Variants in RABGEF1 observed in about 807,000 individuals in gnomAD.
RABGEF1 encodes rab5 GDP/GTP exchange factor.
RABGEF1 carries 26 observed loss-of-function variants against 57.3 expected under a neutral mutation model. The ratio of observed to expected loss-of-function variants is 0.45; its 90% CI spans 0.33 to 0.63. The LOEUF (loss-of-function observed/expected upper bound fraction) is 0.63. Among genes scored for constraint, RABGEF1 ranks in the 20% least tolerant of loss-of-function variants. The pLI is 0.02. For synonymous variants in RABGEF1, 185 were observed against 210.7 expected, an observed-to-expected ratio of 0.88 and a Z score of 1.06; for missense variants, 464 against 607.6, an observed-to-expected ratio of 0.76 and a Z score of 2.48.
intron 1 of RABGEF1, among the ~76,000 whole-genome samples, chr7:66,749,700 G>A (rs1171007625): frequency 1.3e-5 from 2 of 152,036 alleles, no homozygotes; most frequent in Admixed American, 6.6e-5. Context: ...GGCCAGGCAC[G>A]GTGGCTCACA....
rs554428268 is a variant in RABGEF1 at position 66,716,420 on chromosome 7, C to T, written c.-815+4196C>T. On this transcript the variant is annotated intron_variant and NMD_transcript_variant, in intron 2 of 9. Transcript: ENST00000607882. ...TTTGAGACCAGCCTGGGCAACGTGACGAAAACCTGTCTCTACCAAAAATGC... is the reference window on the plus strand; with the variant it reads ...TTTGAGACCAGCCTGGGCAACGTGATGAAAACCTGTCTCTACCAAAAATGC... 1.1e-4 allele frequency among the ~76,000 whole-genome samples: 16 copies of T among 152,134 alleles called. No individual in the cohort carries two copies. The South Asian group carries it at 1.7e-3, about 16-fold the overall frequency.
chr7:66,713,151 T>G (rs1196638346), intron 2 of RABGEF1, among the ~76,000 whole-genome samples: 1 of 150,698 alleles, frequency 6.6e-6, no homozygotes, highest in East Asian at 1.9e-4. Context: ...TTTCTTTTTT[T>G]TTTTTTTTGA....
At chr7:66,766,103 A>G (rs189001175) in intron 1 of RABGEF1, among the ~76,000 whole-genome samples, 10 of 152,268 alleles carry the variant, frequency 6.6e-5, no homozygotes, top group African/African-American at 2.4e-4. Context: ...GACTTGGCAT[A>G]CTAAGTATAG....
intron 1 of RABGEF1, among the ~76,000 whole-genome samples, chr7:66,695,935 C>A (rs1792257693): frequency 6.6e-6 from 1 of 150,444 alleles, no homozygotes; most frequent in Non-Finnish European, 1.5e-5. Flanking sequence ...CACCGTACTT[C>A]AGCGTGGGTA....
At chr7:66,742,811 T>G (rs982175153) in intron 1 of RABGEF1, among the ~76,000 whole-genome samples, 2 of 152,186 alleles carry the variant, frequency 1.3e-5, no homozygotes, top group African/African-American at 4.8e-5. Context: ...CTTGCTGTGT[T>G]GCCCTGGCTG....
the RABGEF1 span, among the ~76,000 whole-genome samples, chr7:66,659,284 C>T: frequency 5.9e-5 from 9 of 151,524 alleles, no homozygotes; most frequent in Non-Finnish European, 8.8e-5. Flanking sequence ...AACTCTGTCT[C>T]TACTAAAAAT....
chr7:66,773,066 C>T (rs182719841), intron 2 of RABGEF1, among the ~76,000 whole-genome samples: 6 of 149,070 alleles, frequency 4.0e-5, no homozygotes, highest in African/African-American at 1.5e-4. Flanking sequence ...TCTGCCAACT[C>T]CTCTAGCTAG....
intron 4 of RABGEF1, among the ~76,000 whole-genome samples, chr7:66,791,463 A>G (rs1265068750): frequency 6.6e-6 from 1 of 152,242 alleles, no homozygotes; most frequent in African/African-American, 2.4e-5. Flanking sequence ...TTAAAAAATT[A>G]TTGAAGGCAG....
At chr7:66,711,405 A>ATTTTTTTTTTTTT (rs202115107) in intron 1 of RABGEF1, among the ~76,000 whole-genome samples, 1 of 138,234 alleles carries the variant, frequency 7.2e-6, no homozygotes, top group African/African-American at 2.7e-5. Context: ...TTTTGTGCTA[A>ATTTTTTTTTTTTT]TTTTTTTTTT....
At chr7:66,737,051 GGAGAGAGAGAGA>G (rs146350696), upstream of RABGEF1, among the ~76,000 whole-genome samples, 2 of 124,922 alleles carry the variant, frequency 1.6e-5, no homozygotes, top group African/African-American at 2.8e-5. Flanking sequence ...ATATGAGGGG[GGAGAGAGAGAGA>G]GAGAGAGAGT....
chr7:66,693,681 G>C (rs1791876952), intron 1 of RABGEF1, among the ~76,000 whole-genome samples: 1 of 152,238 alleles, frequency 6.6e-6, no homozygotes, highest in African/African-American at 2.4e-5. Context: ...CCAGGGCTGG[G>C]AGTGCAGCCT....
At chr7:66,728,185 G>T (rs1490293587) in intron 2 of RABGEF1, among the ~76,000 whole-genome samples, 1 of 152,174 alleles carries the variant, frequency 6.6e-6, no homozygotes, top group East Asian at 1.9e-4. Context: ...TGAATTGGGA[G>T]GGCCTATCCC....
rs372795506 is a variant in RABGEF1, at chr7:66,795,601, G to A, written c.595+9G>A. The A allele has an allele frequency of 6.9e-6, 11 of 1,589,178 alleles. No individual in the cohort carries two copies. The highest frequency in any genetic ancestry group is 3.3e-5 in the Admixed American group (2 of 59,974). On this transcript the variant is annotated intron_variant, in intron 5 of 8. Transcript: ENST00000284957. ...GCAAACTCGTGGGAAAGGTAACACT[G>A]TTAGCCATTGAGAGATTGCGGGTAT...
At chr7:66,757,858 G>T (rs927393489) in intron 1 of RABGEF1, among the ~76,000 whole-genome samples, 12 of 152,158 alleles carry the variant, frequency 7.9e-5, no homozygotes, top group Non-Finnish European at 1.8e-4. Context: ...TGATCCGCCC[G>T]CCTCGACCTC....
At chr7:66,738,363 T>C (rs186100788), upstream of RABGEF1, among the ~76,000 whole-genome samples, 631 of 152,242 alleles carry the variant, frequency 4.1e-3, 4 homozygotes, top group African/African-American at 0.014. Context: ...TGAAATGATA[T>C]TCAGTTTTTG....
chr7:66,761,559 T>G (rs1462324892), intron 1 of RABGEF1, among the ~76,000 whole-genome samples: 2 of 152,238 alleles, frequency 1.3e-5, no homozygotes, highest in African/African-American at 4.8e-5. Flanking sequence ...TTCAGCTGTC[T>G]GAAAGCTTCC....
At chr7:66,798,618 G>T (rs1249244043) in intron 6 of RABGEF1, among the ~76,000 whole-genome samples, 1 of 152,168 alleles carries the variant, frequency 6.6e-6, no homozygotes, top group Non-Finnish European at 1.5e-5. Flanking sequence ...AGTGATTCAG[G>T]CATGGTGGTC....
intron 7 of RABGEF1, among the ~76,000 whole-genome samples, chr7:66,802,871 A>C (rs1167033495): frequency 6.6e-6 from 1 of 152,228 alleles, no homozygotes; most frequent in Non-Finnish European, 1.5e-5. Context: ...AAATGTCAAC[A>C]GTAAAGATGA....
chr7:66,780,004 C>T (rs975634268), intron 3 of RABGEF1, among the ~76,000 whole-genome samples: 2 of 152,144 alleles, frequency 1.3e-5, no homozygotes, highest in Admixed American at 6.5e-5. Flanking sequence ...ATGATCATAA[C>T]TAGCTAGTAG....
Sources: gnomAD v4.1 joint callset for allele counts (sites outside exome capture counted in the v4.1 genomes callset) on GRCh38, gnomAD v4.1.1 for gene constraint, MANE v1.5 for transcripts, NCBI Gene and HGNC (gene_info 2026-07-23, HGNC 2026-07-21) for gene names.